Variants in RAB10 observed in about 807,000 individuals in gnomAD.
The protein encoded by RAB10 is RAB10, member RAS oncogene family, also known as ras-related protein Rab-10.
In RAB10, 5 loss-of-function variants were observed where a neutral mutation model predicts 25.7. That is an observed-to-expected ratio of 0.19 (90% CI 0.10 to 0.41). The LOEUF (loss-of-function observed/expected upper bound fraction) is 0.41, where lower values mean the gene tolerates loss of function less well. Ranked by LOEUF, RAB10 falls within the 10% of genes least tolerant of loss-of-function variation. RAB10 has a pLI of 1.00. For missense variants in RAB10, 103 were observed against 245.8 expected (o/e 0.42, Z 3.89); for synonymous variants, 89 against 86.4 (o/e 1.03, Z -0.16).
intron 2 of RAB10, among the ~76,000 whole-genome samples, chr2:26,109,069 G>C (rs1667521774): frequency 1.3e-5 from 2 of 151,874 alleles, no homozygotes; most frequent in Non-Finnish European, 2.9e-5. Context: ...GTGCCACCAT[G>C]CCGGGCTAAT....
chr2:26,046,422 A>T (rs1046745079), intron 1 of RAB10, among the ~76,000 whole-genome samples: 4 of 152,140 alleles, frequency 2.6e-5, no homozygotes, highest in Non-Finnish European at 4.4e-5. Context: ...AATGAGAAAA[A>T]CGTTTTTATT....
chr2:26,127,257 A>G (rs2149289583), intron 4 of RAB10, 24 bp downstream of exon 4: 1 of 1,497,326 alleles, frequency 6.7e-7, no homozygotes, highest in East Asian at 2.3e-5. Context: ...TTAAACTGAT[A>G]CTCTGCTCTG....
At chr2:26,072,666 G>T (rs959134824) in intron 1 of RAB10, among the ~76,000 whole-genome samples, 18 of 152,096 alleles carry the variant, frequency 1.2e-4, no homozygotes, top group Non-Finnish European at 1.6e-4. Flanking sequence ...TTTGTAGCTA[G>T]ATTTTCTTCA....
rs554636373 is a variant in RAB10, at chr2:26,047,707, C to T, written c.127+12972C>T. Among the ~76,000 whole-genome samples, 304 of 146,706 alleles carry T rather than the reference C, an allele frequency of 2.1e-3. 1 individual carries two copies. Among genetic ancestry groups the T allele is most frequent in the African/African-American group, 7.6e-3 (300 of 39,620 alleles). On this transcript the variant is annotated intron_variant, in intron 1 of 5. Transcript: ENST00000264710. ...AAAGTGTTGGGATTACAGGTGTGAGCCACCATGCCTGGCCTGTTTTTTTTT... is the reference window on the plus strand; with the variant it reads ...AAAGTGTTGGGATTACAGGTGTGAGTCACCATGCCTGGCCTGTTTTTTTTT...
At chr2:26,063,182 C>T (rs1376287712) in intron 1 of RAB10, among the ~76,000 whole-genome samples, 3 of 151,814 alleles carry the variant, frequency 2.0e-5, no homozygotes, top group African/African-American at 7.3e-5. Flanking sequence ...ATTAGACTGT[C>T]CTCCTCAGGC....
intron 3 of RAB10, among the ~76,000 whole-genome samples, chr2:26,113,996 C>G (rs993617763): frequency 3.9e-5 from 6 of 151,990 alleles, no homozygotes; most frequent in Non-Finnish European, 8.8e-5. Context: ...GTAATAATAT[C>G]AAAAGGCAAA....
chr2:26,094,585 G>A (rs1667172709), intron 1 of RAB10, among the ~76,000 whole-genome samples: 1 of 145,770 alleles, frequency 6.9e-6, no homozygotes, highest in African/African-American at 2.6e-5. Context: ...TTGAGACATA[G>A]CTTTGCACTG....
intron 2 of RAB10, among the ~76,000 whole-genome samples, chr2:26,108,018 G>A (rs1285249663): frequency 1.3e-5 from 2 of 152,180 alleles, no homozygotes; most frequent in Non-Finnish European, 2.9e-5. Flanking sequence ...ATCAAATGCT[G>A]GTGAGGATGC....
At chr2:26,060,413 C>T (rs1458853127) in intron 1 of RAB10, among the ~76,000 whole-genome samples, 1 of 152,166 alleles carries the variant, frequency 6.6e-6, no homozygotes. Flanking sequence ...CTGCCTCAGC[C>T]TCCCGAGTAG....
At chr2:26,107,684 T>TTGGG (rs1667493355) in intron 2 of RAB10, among the ~76,000 whole-genome samples, 8 of 151,668 alleles carry the variant, frequency 5.3e-5, no homozygotes, top group Non-Finnish European at 4.4e-5. Flanking sequence ...TGATCCCAGC[T>TTGGG]ACTTGGGAGG....
At chr2:26,046,380 G>A (rs947628141) in intron 1 of RAB10, among the ~76,000 whole-genome samples, 7 of 151,946 alleles carry the variant, frequency 4.6e-5, no homozygotes, top group Admixed American at 1.3e-4. Flanking sequence ...TGAAATTTTA[G>A]TGAAGAAAAC....
chr2:26,124,990 C>G (rs1667877514), intron 3 of RAB10, among the ~76,000 whole-genome samples: 1 of 152,090 alleles, frequency 6.6e-6, no homozygotes, highest in Non-Finnish European at 1.5e-5. Context: ...ATGCCATGTT[C>G]TGTTTATTCA....
At chr2:26,079,713 T>A (rs1186714307) in intron 1 of RAB10, among the ~76,000 whole-genome samples, 1 of 150,210 alleles carries the variant, frequency 6.7e-6, no homozygotes. Flanking sequence ...TCACCCAGGC[T>A]GGAGTGCAGT....
intron 2 of RAB10, among the ~76,000 whole-genome samples, chr2:26,107,521 C>T (rs1481462680): frequency 6.6e-6 from 1 of 151,632 alleles, no homozygotes; most frequent in Non-Finnish European, 1.5e-5. Context: ...CCAGGCCAGC[C>T]ACGGTGGCTC....
At chr2:26,085,519 GAC>G (rs763970335) in intron 1 of RAB10, among the ~76,000 whole-genome samples, 10 of 149,466 alleles carry the variant, frequency 6.7e-5, no homozygotes, top group Non-Finnish European at 1.5e-4. Flanking sequence ...TATGCAAAAA[GAC>G]AGCACTTTCA....
At chr2:26,039,152 TG>T (rs995448505) in intron 1 of RAB10, among the ~76,000 whole-genome samples, 1 of 151,272 alleles carries the variant, frequency 6.6e-6, no homozygotes, top group African/African-American at 2.4e-5. Flanking sequence ...CCCAGGTACC[TG>T]GGATTATAGG....
intron 2 of RAB10, among the ~76,000 whole-genome samples, chr2:26,105,961 A>G (rs969156293): frequency 1.3e-5 from 2 of 152,244 alleles, no homozygotes; most frequent in Admixed American, 6.5e-5. Flanking sequence ...TTAGGTTTGT[A>G]TAAGTACGCT....
intron 3 of RAB10, among the ~76,000 whole-genome samples, chr2:26,113,243 G>C (rs1238886914): frequency 6.6e-6 from 1 of 151,978 alleles, no homozygotes; most frequent in African/African-American, 2.4e-5. Flanking sequence ...AGTTCACACA[G>C]AAAAAACATT....
chr2:26,067,515 A>T (rs1424251293), intron 1 of RAB10, among the ~76,000 whole-genome samples: 1 of 152,178 alleles, frequency 6.6e-6, no homozygotes, highest in Non-Finnish European at 1.5e-5. Flanking sequence ...CATGGCACAG[A>T]TGATGGATGG....
Sources: gnomAD v4.1 joint callset for allele counts (sites outside exome capture counted in the v4.1 genomes callset) on GRCh38, gnomAD v4.1.1 for gene constraint, MANE v1.5 for transcripts, NCBI Gene and HGNC (gene_info 2026-07-23, HGNC 2026-07-21) for gene names.